OR2L13: variants seen among roughly 807,000 people sequenced by gnomAD.
OR2L13 encodes the protein olfactory receptor 2L13.
OR2L13 carries 14 observed loss-of-function variants against 15.3 expected under a neutral mutation model. That is an observed-to-expected ratio of 0.91 (90% CI 0.60 to 1.43). The LOEUF is 1.43. Ranked by LOEUF, OR2L13 falls within the 40% of genes most tolerant of loss-of-function variation. The probability of loss-of-function intolerance (pLI) is 0.00; values close to 1 mark genes in which losing one functional copy is unlikely to be tolerated. For synonymous variants in OR2L13, 152 were observed against 142.9 expected, an observed-to-expected ratio of 1.06 and a Z score of -0.45; for missense variants, 367 against 387.9, an observed-to-expected ratio of 0.95 and a Z score of 0.45.
At chr1:248,014,888 G>A in the OR2L13 span, among the ~76,000 whole-genome samples, 1 of 152,092 alleles carries the variant, frequency 6.6e-6, no homozygotes, top group Non-Finnish European at 1.5e-5. Context: ...GTATTAAACC[G>A]AGTCTCTTTC....
At chr1:248,035,697 G>A in the OR2L13 span, 1 of 151,962 alleles carries the variant, frequency 6.6e-6, no homozygotes, top group Admixed American at 6.6e-5. Context: ...ATGCTTATCT[G>A]CTAATGCTTG....
the OR2L13 span, among the ~76,000 whole-genome samples, chr1:248,088,413 T>C: frequency 6.6e-6 from 1 of 152,220 alleles, no homozygotes; most frequent in Non-Finnish European, 1.5e-5. Context: ...CATTTCATGA[T>C]TTTGGATAAA....
At chr1:248,041,994 C>T in the OR2L13 span, 2 of 152,156 alleles carry the variant, frequency 1.3e-5, no homozygotes, top group African/African-American at 4.8e-5. Context: ...ACCCAACCAT[C>T]CCATTACTGG....
the OR2L13 span, chr1:248,022,115 A>G: frequency 2.5e-6 from 4 of 1,613,738 alleles, no homozygotes; most frequent in Non-Finnish European, 3.4e-6. Flanking sequence ...ATCTCCACAC[A>G]CCCATGTATT....
the OR2L13 span, among the ~76,000 whole-genome samples, chr1:248,014,425 C>A: frequency 2.6e-5 from 4 of 152,046 alleles, no homozygotes; most frequent in East Asian, 5.8e-4. Flanking sequence ...TTTTTACACC[C>A]AATTTGTGAC....
At chr1:247,942,953 C>A in the OR2L13 span, among the ~76,000 whole-genome samples, 836 of 151,600 alleles carry the variant, frequency 5.5e-3, 12 homozygotes, top group African/African-American at 0.019. Context: ...CTGGGTACTT[C>A]GTGTAGGCGA....
At chr1:248,028,766 A>C in the OR2L13 span, among the ~76,000 whole-genome samples, 1 of 152,126 alleles carries the variant, frequency 6.6e-6, no homozygotes, top group African/African-American at 2.4e-5. Flanking sequence ...ATGTGATGTG[A>C]CCCTGGTGGG....
chr1:247,975,091 G>T, the OR2L13 span: 1 of 348,846 alleles, frequency 2.9e-6, no homozygotes, highest in African/African-American at 2.2e-5. Flanking sequence ...TGACATCAAT[G>T]GCCTGTGATC....
the OR2L13 span, chr1:248,022,913 C>A: frequency 5.3e-5 from 83 of 1,569,064 alleles, no homozygotes; most frequent in Admixed American, 3.2e-4. Flanking sequence ...AGAGTCAAAG[C>A]GCTAGGTTCA....
chr1:248,100,264 C>T (rs1265227658), exon 3 of OR2L13: 4 of 1,613,136 alleles, frequency 2.5e-6, no homozygotes, highest in East Asian at 2.2e-5. Context: ...TAAGGAAGTC[C>T]TGGGGGCTAT....
the OR2L13 span, among the ~76,000 whole-genome samples, chr1:248,068,331 G>A: frequency 5.3e-5 from 8 of 151,856 alleles, 1 homozygote; most frequent in East Asian, 5.8e-4. Flanking sequence ...AGCAGTATTC[G>A]CGGTTCATGA....
the OR2L13 span, among the ~76,000 whole-genome samples, chr1:247,941,373 C>G: frequency 6.6e-6 from 1 of 152,034 alleles, no homozygotes; most frequent in African/African-American, 2.4e-5. Flanking sequence ...TGAGGCATGT[C>G]AAAAGAGAGT....
the OR2L13 span, among the ~76,000 whole-genome samples, chr1:247,981,236 C>T: frequency 7.9e-5 from 12 of 152,088 alleles, no homozygotes; most frequent in African/African-American, 2.4e-4. Context: ...TTAATGAATC[C>T]ACATATAATA....
upstream of OR2L13, among the ~76,000 whole-genome samples, chr1:248,090,320 G>T (rs1664565084): frequency 6.8e-6 from 1 of 146,350 alleles, no homozygotes; most frequent in South Asian, 2.2e-4. Flanking sequence ...CTAGTTTTTG[G>T]GGTATATGTG....
the OR2L13 span, among the ~76,000 whole-genome samples, chr1:247,943,113 C>CT: frequency 6.6e-6 from 1 of 152,108 alleles, no homozygotes; most frequent in Non-Finnish European, 1.5e-5. Context: ...TAGATGAGCA[C>CT]TTTCTTTCTT....
At chr1:248,085,554 T>C in the OR2L13 span, among the ~76,000 whole-genome samples, 1 of 150,804 alleles carries the variant, frequency 6.6e-6, no homozygotes, top group Non-Finnish European at 1.5e-5. Context: ...GTCATGATTT[T>C]AGGAAGTATG....
the OR2L13 span, among the ~76,000 whole-genome samples, chr1:248,008,106 T>C: frequency 6.6e-5 from 10 of 152,312 alleles, no homozygotes; most frequent in Non-Finnish European, 8.8e-5. Context: ...TACATTCTTA[T>C]ACTTTTCTGG....
chr1:248,091,175 T>C (rs562650601), upstream of OR2L13, among the ~76,000 whole-genome samples: 1 of 152,178 alleles, frequency 6.6e-6, no homozygotes, highest in Non-Finnish European at 1.5e-5. Context: ...TTATAGATTT[T>C]GGATAGTAAA....
At chr1:248,024,256 A>G in the OR2L13 span, 1 of 152,150 alleles carries the variant, frequency 6.6e-6, no homozygotes, top group African/African-American at 2.4e-5. Context: ...CCCAATGTAG[A>G]AAATTTTATA....
Sources: allele counts gnomAD v4.1 joint callset (sites outside exome capture counted in the v4.1 genomes callset), GRCh38; gene constraint gnomAD v4.1.1; transcripts MANE v1.5; gene names NCBI Gene and HGNC (gene_info 2026-07-23, HGNC 2026-07-21).